The following DOCK2 variants were observed in gnomAD, a reference collection of about 807,000 sequenced individuals.
DOCK2 encodes dedicator of cytokinesis 2.
DOCK2 carries 87 observed loss-of-function variants against 248.9 expected under a neutral mutation model. The ratio of observed to expected loss-of-function variants is 0.35; its 90% CI spans 0.29 to 0.42. The LOEUF (loss-of-function observed/expected upper bound fraction) is 0.42. Among genes scored for constraint, DOCK2 ranks in the 10% least tolerant of loss-of-function variants. DOCK2 has a pLI of 1.00. For missense variants in DOCK2, 1,747 were observed against 2,300.2 expected, an observed-to-expected ratio of 0.76 and a Z score of 4.92; for synonymous variants, 805 against 821.6, an observed-to-expected ratio of 0.98 and a Z score of 0.35.
chr5:169,863,587 C>T (rs1194448588), intron 27 of DOCK2, among the ~76,000 whole-genome samples: 2 of 152,210 alleles, frequency 1.3e-5, no homozygotes, highest in East Asian at 3.9e-4. Context: ...TACACTTATC[C>T]AGCACAGCCA....
intron 27 of DOCK2, among the ~76,000 whole-genome samples, chr5:169,846,180 G>C (rs1439141677): frequency 6.6e-6 from 1 of 152,106 alleles, no homozygotes; most frequent in African/African-American, 2.4e-5. Flanking sequence ...GAAATCCCAG[G>C]AGGGCCCCAA....
intron 27 of DOCK2, among the ~76,000 whole-genome samples, chr5:169,945,497 ATGTGT>A (rs1776410158): frequency 6.6e-6 from 1 of 152,268 alleles, no homozygotes; most frequent in Non-Finnish European, 1.5e-5. Context: ...AACACTTTGT[ATGTGT>A]TGTCTCATGC....
chr5:169,751,112 C>G (rs909456734), intron 23 of DOCK2, among the ~76,000 whole-genome samples: 1 of 151,800 alleles, frequency 6.6e-6, no homozygotes, highest in South Asian at 2.1e-4. Context: ...AAGTATAAAG[C>G]CTGTTACATA....
At chr5:169,687,558 T>A (rs1561600678) in intron 8 of DOCK2, among the ~76,000 whole-genome samples, 1 of 152,220 alleles carries the variant, frequency 6.6e-6, no homozygotes, top group East Asian at 1.9e-4. Flanking sequence ...TTTGAATTTT[T>A]AAAAAATCTT....
At chr5:169,937,705 C>T (rs1776054134) in intron 27 of DOCK2, among the ~76,000 whole-genome samples, 1 of 152,156 alleles carries the variant, frequency 6.6e-6, no homozygotes, top group Non-Finnish European at 1.5e-5. Context: ...TCTAAATTCT[C>T]ATTTAGTAAC....
chr5:169,820,570 A>G (rs1380565598), intron 26 of DOCK2, among the ~76,000 whole-genome samples: 2 of 136,080 alleles, frequency 1.5e-5, no homozygotes, highest in East Asian at 3.9e-4. Flanking sequence ...TGACTGTTAA[A>G]AGGAAAACTA....
At chr5:169,740,240 A>T (rs188279326) in intron 22 of DOCK2, among the ~76,000 whole-genome samples, 16 of 152,232 alleles carry the variant, frequency 1.1e-4, no homozygotes, top group Admixed American at 3.3e-4. Context: ...AAGTAAAGTG[A>T]ATGTTTCAGA....
At chr5:169,863,271 G>A (rs1281900948) in intron 27 of DOCK2, among the ~76,000 whole-genome samples, 2 of 152,190 alleles carry the variant, frequency 1.3e-5, no homozygotes, top group African/African-American at 4.8e-5. Context: ...ACCAGGAAGG[G>A]AGACTGTGTC....
At position 170,057,591 on chromosome 5, in the gene DOCK2, T is replaced by A. The variant is rs1561901721; in HGVS notation, c.4392T>A (p.Ile1464=). 2 of 1,614,134 alleles carry A rather than the reference T, an allele frequency of 1.2e-6. No individual in the cohort carries two copies. The highest frequency in any genetic ancestry group is 1.7e-6 in the Non-Finnish European group (2 of 1,179,986). ...CTGCCCACGGACAGTCCATGTGGAT[T>A]GAGAGAACCTCCTTCGTGACTGCAT... ...DPENEFASMW[I]ERTSFVTAYK... is the part of the protein sequence containing the mutation. The change falls in exon 44 of 52, where the codon ATT becomes ATA. Residue 1464 remains isoleucine, a synonymous_variant. Coordinates refer to ENST00000520908, the MANE Select transcript of DOCK2 (RefSeq NM_004946.3).
rs1758095232 is a variant in DOCK2 at position 170,083,200 on chromosome 5, AT to A, written c.*344del. The A allele has an allele frequency of 4.5e-6, 1 of 223,264 alleles. No homozygotes were observed. Among genetic ancestry groups the A allele is most frequent in the East Asian group, 9.5e-5 (1 of 10,484 alleles). The allele number at this position is 223,264 out of a possible 1,614,324, so 13.8% of individuals were successfully genotyped here. A position where few individuals can be genotyped will look rare whatever the true frequency, so the allele number is the denominator to read the frequency against. On this transcript the variant is annotated 3_prime_UTR_variant, in exon 52 of 52. Transcript: ENST00000520908. The stretch of plus-strand genomic sequence containing the variant: ...GTAAGAAACTGTTTTTATCTCATTT[AT>A]TAAGTCTCAGAACTTAACAGAAAAG...
intron 46 of DOCK2, chr5:170,075,383 C>G (rs1045888662): frequency 3.3e-5 from 5 of 152,654 alleles, no homozygotes; most frequent in African/African-American, 1.2e-4. Context: ...TATCATTTTT[C>G]AGAGCTCCCT....
chr5:170,020,113 G>A (rs1343517781), intron 33 of DOCK2, among the ~76,000 whole-genome samples: 4 of 152,058 alleles, frequency 2.6e-5, no homozygotes, highest in South Asian at 4.2e-4. Flanking sequence ...CGGCCCTCCC[G>A]GCTCCAGCCT....
intron 27 of DOCK2, among the ~76,000 whole-genome samples, chr5:169,888,313 G>A (rs1436049606): frequency 2.0e-5 from 3 of 152,146 alleles, no homozygotes; most frequent in Non-Finnish European, 4.4e-5. Flanking sequence ...GGTGGTTAGG[G>A]CTAAATTAAT....
intron 27 of DOCK2, among the ~76,000 whole-genome samples, chr5:169,895,992 C>T (rs984974237): frequency 1.3e-5 from 2 of 152,150 alleles, no homozygotes; most frequent in Non-Finnish European, 2.9e-5. Context: ...TATGTGAATG[C>T]TATGATCTCA....
chr5:169,915,616 G>A (rs867448741), intron 27 of DOCK2, among the ~76,000 whole-genome samples: 5 of 151,760 alleles, frequency 3.3e-5, no homozygotes, highest in Middle Eastern at 3.4e-3. Context: ...GGAGGGAGGG[G>A]AGAGAGAGAG....
rs138654609 is a variant in DOCK2 at position 169,950,142 on chromosome 5, A to G, written c.2800-32926A>G. On this transcript the variant is annotated intron_variant, in intron 27 of 51. Coordinates refer to ENST00000520908, the MANE Select transcript of DOCK2 (RefSeq NM_004946.3). The stretch of plus-strand genomic sequence containing the variant: ...TTTCTCTCCCTCTTTCTGTTCTACT[A>G]TCATGAGATGAGACAGGAGCCATCG... Among the ~76,000 whole-genome samples the G allele has an allele frequency of 4.1e-4, 63 of 152,250 alleles. 1 individual carries two copies. In the East Asian group the frequency reaches 0.012, roughly 28 times the overall value.
chr5:169,746,271 G>A (rs796982087), intron 22 of DOCK2, among the ~76,000 whole-genome samples: 8 of 152,150 alleles, frequency 5.3e-5, no homozygotes, highest in African/African-American at 1.9e-4. Flanking sequence ...AAACAGAAGA[G>A]GCACACACTT....
chr5:169,675,228 C>CTGGAGTCCAGGGCCTCCTGGAG (rs979791860), intron 6 of DOCK2, among the ~76,000 whole-genome samples: 1 of 152,198 alleles, frequency 6.6e-6, no homozygotes, highest in South Asian at 2.1e-4. Context: ...CAGGGTCCAC[C>CTGGAGTCCAGGGCCTCCTGGAG]TGGAGTCCAG....
At chr5:169,775,982 T>C (rs1765361221) in intron 25 of DOCK2, among the ~76,000 whole-genome samples, 1 of 151,342 alleles carries the variant, frequency 6.6e-6, no homozygotes, top group South Asian at 2.1e-4. Flanking sequence ...ATGGGAAAAA[T>C]GGCATTTATT....
Sources: allele counts gnomAD v4.1 joint callset (sites outside exome capture counted in the v4.1 genomes callset), GRCh38; gene constraint gnomAD v4.1.1; transcripts MANE v1.5; gene names NCBI Gene and HGNC (gene_info 2026-07-23, HGNC 2026-07-21).